CYSTM1: variants seen among roughly 807,000 people sequenced by gnomAD.
The protein encoded by CYSTM1 is cysteine-rich transmembrane module-containing protein 1.
In CYSTM1, 4 loss-of-function variants were observed where a neutral mutation model predicts 13.1. The observed-to-expected ratio is 0.31, with a 90% CI of 0.15 to 0.70. The LOEUF (loss-of-function observed/expected upper bound fraction) is 0.70. CYSTM1 is among the 30% of genes least tolerant of loss of function. The probability of loss-of-function intolerance (pLI) is 0.72; values close to 1 mark genes in which losing one functional copy is unlikely to be tolerated. For synonymous variants in CYSTM1, 36 were observed against 42.7 expected, an observed-to-expected ratio of 0.84 and a Z score of 0.62; for missense variants, 96 against 121.6, an observed-to-expected ratio of 0.79 and a Z score of 0.99.
chr5:140,197,858 G>C (rs145089252), intron 2 of CYSTM1, among the ~76,000 whole-genome samples: 1 of 152,304 alleles, frequency 6.6e-6, no homozygotes, highest in Non-Finnish European at 1.5e-5. Flanking sequence ...CTGGTAATTA[G>C]TTAGGGCTTA....
rs376813138 is a variant in CYSTM1, at chr5:140,212,754, C to A, written c.187+18102C>A. On this transcript the variant is annotated intron_variant, in intron 2 of 2. Transcript: ENST00000261811. ...GGCCAGAGTGAGTGGACTGCTTGAG[C>A]CCAGGAGTTTGAGACCAGCCTGGGC... Among the ~76,000 whole-genome samples the A allele has an allele frequency of 2.0e-4, 30 of 152,062 alleles. No individual in the cohort carries two copies. The South Asian group carries it at 6.2e-3, about 32-fold the overall frequency.
chr5:140,189,940 A>T (rs1046246483), intron 1 of CYSTM1, among the ~76,000 whole-genome samples: 9 of 152,036 alleles, frequency 5.9e-5, no homozygotes, highest in Non-Finnish European at 1.2e-4. Flanking sequence ...TATATTGTGG[A>T]TTTTTTTAAT....
chr5:140,203,840 C>T (rs183069262), intron 2 of CYSTM1, among the ~76,000 whole-genome samples: 2 of 152,196 alleles, frequency 1.3e-5, no homozygotes, highest in Non-Finnish European at 2.9e-5. Context: ...TTATTACCCT[C>T]TGACCTTATA....
At chr5:140,202,127 G>GATTTC (rs1764241496) in intron 2 of CYSTM1, 1 of 151,984 alleles carries the variant, frequency 6.6e-6, no homozygotes, top group Admixed American at 6.6e-5. Flanking sequence ...GTAGAAATGG[G>GATTTC]ATTTCACTGT....
intron 1 of CYSTM1, among the ~76,000 whole-genome samples, chr5:140,189,799 A>G (rs1178110705): frequency 6.6e-6 from 1 of 152,168 alleles, no homozygotes; most frequent in African/African-American, 2.4e-5. Flanking sequence ...CTATATATAT[A>G]TATCTAAGAG....
intron 2 of CYSTM1, among the ~76,000 whole-genome samples, chr5:140,227,392 T>G (rs569291511): frequency 6.6e-6 from 1 of 152,178 alleles, no homozygotes; most frequent in East Asian, 1.9e-4. Flanking sequence ...TTGAGCTCCT[T>G]GGAGGGAGAG....
intron 1 of CYSTM1, among the ~76,000 whole-genome samples, chr5:140,187,021 G>A (rs1764022136): frequency 6.6e-6 from 1 of 152,120 alleles, no homozygotes. Flanking sequence ...AGCTGCCCTG[G>A]AGGCTGAGGC....
At position 140,239,628 on chromosome 5, in the gene CYSTM1, C is replaced by A. The variant is rs2126673541; in HGVS notation, c.188-3677C>A. ...ACCTGAGACCCAGGGCTTCCTGGGCCTTTCTGACCTAGCCTGGGCTCCTGG... is the reference window on the plus strand; with the variant it reads ...ACCTGAGACCCAGGGCTTCCTGGGCATTTCTGACCTAGCCTGGGCTCCTGG... On this transcript the variant is annotated intron_variant, in intron 2 of 2. Transcript: ENST00000261811. The surrounding 1 kb of genome is among the most constrained non-coding windows in gnomAD (Gnocchi z 5.4). 6.6e-6 allele frequency among the ~76,000 whole-genome samples: 1 copy of A among 152,362 alleles called. No homozygotes were observed. The highest frequency in any genetic ancestry group is 1.9e-4 in the East Asian group (1 of 5,172).
intron 2 of CYSTM1, chr5:140,228,944 CA>C (rs1460293942): frequency 2.5e-6 from 1 of 396,568 alleles, no homozygotes; most frequent in Admixed American, 4.4e-5. Flanking sequence ...CAATAACTCA[CA>C]GATTTTTAAA....
chr5:140,201,851 G>GA (rs1269708539), intron 2 of CYSTM1: 6 of 148,502 alleles, frequency 4.0e-5, no homozygotes, highest in African/African-American at 9.9e-5. Flanking sequence ...GATCCAAACA[G>GA]AAAAAAGGGA....
At chr5:140,227,072 C>G (rs1484897046) in intron 2 of CYSTM1, among the ~76,000 whole-genome samples, 1 of 152,114 alleles carries the variant, frequency 6.6e-6, no homozygotes, top group Non-Finnish European at 1.5e-5. Flanking sequence ...TGGTTAGGGA[C>G]CTGGAGGTGG....
chr5:140,216,869 A>G (rs962672153), intron 2 of CYSTM1, among the ~76,000 whole-genome samples: 1 of 149,172 alleles, frequency 6.7e-6, no homozygotes, highest in African/African-American at 2.5e-5. Flanking sequence ...GGGAGGAAGT[A>G]GAGCCCTCTC....
chr5:140,241,508 C>T (rs1161195604), intron 2 of CYSTM1, among the ~76,000 whole-genome samples: 1 of 152,218 alleles, frequency 6.6e-6, no homozygotes, highest in Non-Finnish European at 1.5e-5. Context: ...TGGCCTGAAG[C>T]CCAGGGATGG....
At position 140,209,261 on chromosome 5, in the gene CYSTM1, T is replaced by C. The variant is rs1055337683; in HGVS notation, c.187+14609T>C. Among the ~76,000 whole-genome samples, 5 of 146,230 alleles carry C rather than the reference T, an allele frequency of 3.4e-5. No individual in the cohort carries two copies. In the East Asian group the frequency reaches 1.0e-3, roughly 30 times the overall value. ...TGTAGAAAAGACTGCTCGTACTTTC[T>C]TTCTTTTCTTTTTTTTTTTTTTTGA... On this transcript the variant is annotated intron_variant, in intron 2 of 2. Transcript: ENST00000261811.
chr5:140,187,400 G>A (rs1431991864), intron 1 of CYSTM1, among the ~76,000 whole-genome samples: 5 of 151,944 alleles, frequency 3.3e-5, no homozygotes, highest in South Asian at 2.1e-4. Context: ...GGTCTTGCAC[G>A]GTCTCCCAGG....
intron 1 of CYSTM1, among the ~76,000 whole-genome samples, chr5:140,190,696 C>T (rs1764085111): frequency 6.6e-6 from 1 of 152,192 alleles, no homozygotes; most frequent in Non-Finnish European, 1.5e-5. Context: ...CTGCCCTTCT[C>T]ATTGTGTGGT....
At chr5:140,237,583 G>T (rs766707113) in intron 2 of CYSTM1, among the ~76,000 whole-genome samples, 1 of 152,230 alleles carries the variant, frequency 6.6e-6, no homozygotes, top group Non-Finnish European at 1.5e-5. Flanking sequence ...GTTCTCAATT[G>T]TCTCTATCTA....
intron 2 of CYSTM1, among the ~76,000 whole-genome samples, chr5:140,240,080 A>G (rs897485587): frequency 2.2e-4 from 33 of 152,134 alleles, no homozygotes; most frequent in Middle Eastern, 6.8e-3. Context: ...GCTCAATCTG[A>G]GCAGCCACAG....
At chr5:140,211,141 G>A (rs111558733) in intron 2 of CYSTM1, among the ~76,000 whole-genome samples, 5,954 of 152,274 alleles carry the variant, frequency 0.039, 130 homozygotes, top group Middle Eastern at 0.11. Flanking sequence ...AATAGAACCA[G>A]TATTTGTCTA....
Sources: gnomAD v4.1 joint callset for allele counts (sites outside exome capture counted in the v4.1 genomes callset) on GRCh38, gnomAD v4.1.1 for gene constraint, Gnocchi (gnomAD v3.1) non-coding constraint, MANE v1.5 for transcripts, NCBI Gene and HGNC (gene_info 2026-07-23, HGNC 2026-07-21) for gene names.